The following NHSL1 variants were observed in gnomAD, a reference collection of about 807,000 sequenced individuals.
NHSL1 encodes the protein NHS-like protein 1.
A neutral mutation model predicts 95.0 loss-of-function variants in NHSL1; 48 were observed. The ratio of observed to expected loss-of-function variants is 0.51; its 90% CI spans 0.40 to 0.64. The LOEUF is 0.64. NHSL1 is among the 30% of genes least tolerant of loss of function. The pLI, the probability that NHSL1 is intolerant of heterozygous loss-of-function variation, is 0.00. For synonymous variants in NHSL1, 783 were observed against 833.9 expected, an observed-to-expected ratio of 0.94 and a Z score of 1.05; for missense variants, 1,971 against 2,077.7, an observed-to-expected ratio of 0.95 and a Z score of 1.00.
chr6:138,643,861 G>A (rs1161939679), intron 1 of NHSL1, among the ~76,000 whole-genome samples: 1 of 152,072 alleles, frequency 6.6e-6, no homozygotes, highest in Non-Finnish European at 1.5e-5. Flanking sequence ...AGCTGGGCAT[G>A]GTGACGGGTG....
chr6:138,534,000 C>T (rs143372852), intron 1 of NHSL1, among the ~76,000 whole-genome samples: 4 of 152,290 alleles, frequency 2.6e-5, no homozygotes, highest in Admixed American at 2.6e-4. Context: ...ATGCTACAGG[C>T]CATTAATGAT....
intron 1 of NHSL1, among the ~76,000 whole-genome samples, chr6:138,614,453 TG>T (rs1784553040): frequency 6.6e-6 from 1 of 152,200 alleles, no homozygotes; most frequent in African/African-American, 2.4e-5. Flanking sequence ...TGTTAATCAC[TG>T]GTGTTTGGGA....
intron 1 of NHSL1, among the ~76,000 whole-genome samples, chr6:138,530,807 G>A (rs1782101700): frequency 6.6e-6 from 1 of 152,164 alleles, no homozygotes; most frequent in African/African-American, 2.4e-5. Flanking sequence ...GGGACTTGGG[G>A]GAAAGGATGG....
upstream of NHSL1, among the ~76,000 whole-genome samples, chr6:138,502,445 T>C (rs1264829769): frequency 6.6e-6 from 1 of 151,944 alleles, no homozygotes; most frequent in Non-Finnish European, 1.5e-5. Context: ...ATGGTACTTC[T>C]GATGCCTACT....
chr6:138,556,492 A>G (rs952065982), intron 1 of NHSL1, among the ~76,000 whole-genome samples: 1 of 151,544 alleles, frequency 6.6e-6, no homozygotes, highest in Non-Finnish European at 1.5e-5. Context: ...TCTATTTTCA[A>G]TTAATTCAGG....
chr6:138,544,221 T>C (rs1395046830), intron 1 of NHSL1, among the ~76,000 whole-genome samples: 1 of 152,210 alleles, frequency 6.6e-6, no homozygotes, highest in Non-Finnish European at 1.5e-5. Flanking sequence ...ATAATACCAC[T>C]GACTCTTCAT....
At chr6:138,441,201 C>T (rs1776502774) in intron 5 of NHSL1, among the ~76,000 whole-genome samples, 1 of 152,156 alleles carries the variant, frequency 6.6e-6, no homozygotes, top group South Asian at 2.1e-4. Context: ...AGTTAGGGTT[C>T]AACCAAGCGG....
intron 4 of NHSL1, among the ~76,000 whole-genome samples, chr6:138,443,385 A>G (rs1348476664): frequency 6.6e-6 from 1 of 152,254 alleles, no homozygotes; most frequent in African/African-American, 2.4e-5. Context: ...GAAGGTGCCA[A>G]TGCTGTGAAA....
Position 138,489,862 on chromosome 6 carries a change from GAGA to G in NHSL1, c.211+6354_211+6356del, listed in dbSNP as rs1165255544. On this transcript the variant is annotated intron_variant, in intron 2 of 7. Transcript: ENST00000343505. ...AGAGAGAGGGAGAGAGGGAGAGAGA[GAGA>G]GAGAGAGGGAGAGAGGGAGAGAGGG... is the stretch of plus-strand genomic sequence containing the variant. 8.2e-5 allele frequency among the ~76,000 whole-genome samples: 7 copies of G among 85,594 alleles called. No individual in the cohort carries two copies. In the East Asian group the frequency reaches 1.2e-3, roughly 14 times the overall value. The allele number at this position is 85,594 out of a possible 152,430, so 56.2% of individuals were successfully genotyped here. A position where few individuals can be genotyped will look rare whatever the true frequency, so the allele number is the denominator to read the frequency against.
chr6:138,586,985 T>C (rs1251388812), intron 1 of NHSL1, among the ~76,000 whole-genome samples: 1 of 151,960 alleles, frequency 6.6e-6, no homozygotes, highest in African/African-American at 2.4e-5. Context: ...GTGTTTTTTT[T>C]GGGTGGGGAT....
chr6:138,551,281 G>A (rs1302094423), intron 1 of NHSL1, among the ~76,000 whole-genome samples: 5 of 152,182 alleles, frequency 3.3e-5, no homozygotes, highest in East Asian at 1.9e-4. Context: ...TGGGGCTACT[G>A]TATTCAGACA....
intron 1 of NHSL1, among the ~76,000 whole-genome samples, chr6:138,690,005 A>C (rs1432000125): frequency 6.6e-6 from 1 of 152,174 alleles, no homozygotes; most frequent in Non-Finnish European, 1.5e-5. Context: ...AGACAATCAG[A>C]AGGTTTGGGC....
chr6:138,648,265 A>T (rs1785045312), intron 1 of NHSL1, among the ~76,000 whole-genome samples: 1 of 151,976 alleles, frequency 6.6e-6, no homozygotes, highest in African/African-American at 2.4e-5. Context: ...CCACTCTAAA[A>T]CTTAATGGCT....
chr6:138,543,033 G>A (rs1310474260), intron 1 of NHSL1, among the ~76,000 whole-genome samples: 1 of 152,106 alleles, frequency 6.6e-6, no homozygotes, highest in South Asian at 2.1e-4. Flanking sequence ...TAAAGCATTC[G>A]GATTATAGGC....
chr6:138,571,800 G>A (rs1334869445), exon 1 of NHSL1: 1 of 1,552,306 alleles, frequency 6.4e-7, no homozygotes, highest in Admixed American at 2.0e-5. Flanking sequence ...CTGCGAAACA[G>A]CCTCTTTGTC....
chr6:138,482,354 G>T (rs1398723818), intron 2 of NHSL1, among the ~76,000 whole-genome samples: 1 of 151,458 alleles, frequency 6.6e-6, no homozygotes, highest in Admixed American at 6.6e-5. Context: ...GCTGAGGCAG[G>T]AGAATTGCTT....
chr6:138,546,031 A>C (rs985612390), upstream of NHSL1, among the ~76,000 whole-genome samples: 2 of 152,044 alleles, frequency 1.3e-5, no homozygotes, highest in African/African-American at 4.8e-5. Context: ...AAAAGAAATC[A>C]CTCAATTCAG....
chr6:138,499,836 G>C (rs1780577843), upstream of NHSL1, among the ~76,000 whole-genome samples: 1 of 152,070 alleles, frequency 6.6e-6, no homozygotes, highest in Non-Finnish European at 1.5e-5. Context: ...ACTGATTTAG[G>C]GGGGAAAAAA....
chr6:138,467,166 T>TA (rs1228805495), intron 3 of NHSL1, among the ~76,000 whole-genome samples: 5 of 151,760 alleles, frequency 3.3e-5, no homozygotes, highest in Non-Finnish European at 7.4e-5. Flanking sequence ...TATATATATA[T>TA]TTTTTTGAGA....
Sources: gnomAD v4.1 joint callset for allele counts (sites outside exome capture counted in the v4.1 genomes callset) on GRCh38, gnomAD v4.1.1 for gene constraint, MANE v1.5 for transcripts, NCBI Gene and HGNC (gene_info 2026-07-23, HGNC 2026-07-21) for gene names.